The following PHYKPL variants were observed in gnomAD, a reference collection of about 807,000 sequenced individuals.
The protein encoded by PHYKPL is 5-phosphonooxy-L-lysine phospho-lyase.
A neutral mutation model predicts 51.3 loss-of-function variants in PHYKPL; 42 were observed. The observed-to-expected ratio is 0.82, with a 90% CI of 0.64 to 1.06. PHYKPL has a LOEUF of 1.06. PHYKPL is among the 50% of genes least tolerant of loss of function. The pLI is 0.00. For synonymous variants in PHYKPL, 264 were observed against 236.0 expected (o/e 1.12, Z -1.09); for missense variants, 655 against 586.6 (o/e 1.12, Z -1.20).
intron 12 of PHYKPL, chr5:178,210,451 T>G (rs1757881761): frequency 6.7e-6 from 10 of 1,489,354 alleles, no homozygotes; most frequent in Non-Finnish European, 9.3e-6. Flanking sequence ...AGGCAGTCTC[T>G]GCTGTCACGG....
At chr5:178,210,569 C>G in intron 12 of PHYKPL, 1 of 1,614,136 alleles carries the variant, frequency 6.2e-7, no homozygotes, top group Non-Finnish European at 8.5e-7. Flanking sequence ...GTAGTACAAA[C>G]TACGGCAAGA....
rs138724496 is a variant in PHYKPL, at chr5:178,209,487, C to T, written c.*32-572G>A. 538 of 1,546,952 alleles carry T rather than the reference C, an allele frequency of 3.5e-4. 2 individuals carry two copies. The African/African-American group carries it at 6.7e-3, about 19-fold the overall frequency. On this transcript the variant is annotated intron_variant, in intron 12 of 12. Coordinates refer to ENST00000308158, the MANE Select transcript of PHYKPL (RefSeq NM_153373.4). ...GATGAAGATAGGTCCTGTTTCCCTG[C>T]CTACATGGAGCCTTCCAAGCCTGTC... is the stretch of plus-strand genomic sequence containing the variant.
chr5:178,209,234 G>C, intron 12 of PHYKPL: 1 of 976,576 alleles, frequency 1.0e-6, no homozygotes, highest in Non-Finnish European at 1.6e-6. Flanking sequence ...AAATGGACCT[G>C]ATCCACCATT....
rs1219541313 is a variant in PHYKPL at position 178,215,162 on chromosome 5, G to C, written c.1082+114C>G. 8 of 1,521,732 alleles carry C rather than the reference G, an allele frequency of 5.3e-6. No individual in the cohort carries two copies. In the East Asian group the frequency reaches 1.8e-4, roughly 34 times the overall value. 94.3% of individuals were successfully genotyped at this position (1,521,732 alleles called of 1,614,324 possible). A position where few individuals can be genotyped will look rare whatever the true frequency, so the allele number is the denominator to read the frequency against. On this transcript the variant is annotated intron_variant, in intron 9 of 12. Transcript: ENST00000308158. ...GGCAATAGCACCTCTCAGTGTCTCA[G>C]TTCCTCTTGAGAGCGGACATAACCC... is the stretch of plus-strand genomic sequence containing the variant.
intron 6 of PHYKPL, chr5:178,223,770 T>C: frequency 3.2e-6 from 1 of 315,750 alleles, no homozygotes. Context: ...TCGCCAACAG[T>C]CTTCCCTCTG....
chr5:178,225,111 G>A (rs771033580), intron 4 of PHYKPL: 6 of 582,892 alleles, frequency 1.0e-5, no homozygotes, highest in Admixed American at 3.0e-5. Flanking sequence ...ACAATGTTGT[G>A]GGACCACCTT....
rs1029014059 is a variant in PHYKPL at position 178,232,499 on chromosome 5, G to A, written c.52C>T (p.Leu18Phe). The A allele has an allele frequency of 2.2e-5, 30 of 1,353,030 alleles. No homozygotes were observed. The Admixed American group carries it at 5.6e-4, about 25-fold the overall frequency. 83.8% of individuals were successfully genotyped at this position (1,353,030 alleles called of 1,614,324 possible). A position where few individuals can be genotyped will look rare whatever the true frequency, so the allele number is the denominator to read the frequency against. The change falls in exon 1 of 13, where the codon CTC becomes TTC. Residue 18 changes from leucine to phenylalanine, a missense_variant. By Grantham distance (22) the Leu-to-Phe change is conservative. Coordinates refer to ENST00000308158, the MANE Select transcript of PHYKPL (RefSeq NM_153373.4). ...CGCCCCCCGCCCGGGTACCTGATGA[G>A]CCGTTGCCTCAGGGCCAGCGTGTCG... ...KADTLALRQR[L>F]ISSSCRLFFP...
chr5:178,225,392 G>A lies in PHYKPL; in HGVS notation c.376C>T (p.His126Tyr), dbSNP rs1196549507. ...ACCACGTCCTGGTGTCCCGTGTAGT[G>A]GCGAGCCAGCCTCAGGGCCAGGTCA... ...ANDLALRLARHYTGHQDVVVL... is the reference protein window; with the variant it reads ...ANDLALRLARYYTGHQDVVVL... The change falls in exon 4 of 13, where the codon CAC becomes TAC. Residue 126 changes from histidine (H) to tyrosine (Y), a missense_variant. His to Tyr is a moderately conservative substitution (Grantham distance 83). Coordinates refer to ENST00000308158, the MANE Select transcript of PHYKPL (RefSeq NM_153373.4). 2 of 1,614,178 alleles carry A rather than the reference G, an allele frequency of 1.2e-6. No homozygotes were observed. Among genetic ancestry groups the A allele is most frequent in the African/African-American group, 1.3e-5 (1 of 75,050 alleles).
intron 8 of PHYKPL, among the ~76,000 whole-genome samples, chr5:178,218,235 A>AAAAG (rs1446968583): frequency 2.2e-5 from 3 of 135,584 alleles, no homozygotes; most frequent in East Asian, 1.9e-4. Flanking sequence ...AAAAAAAAAA[A>AAAAG]AAAGAAAGAA....
intron 3 of PHYKPL, chr5:178,226,788 G>A (rs1476607170): frequency 2.6e-5 from 4 of 152,194 alleles, no homozygotes; most frequent in Non-Finnish European, 5.9e-5. Flanking sequence ...GGAGGTTAGA[G>A]TGATTGTCTC....
rs1554103347 is a variant in PHYKPL at position 178,209,434 on chromosome 5, T to C, written c.*32-519A>G. On this transcript the variant is annotated intron_variant, in intron 12 of 12. Transcript: ENST00000308158. Reference sequence around the variant, plus strand: ...GAGGGAACCGAGGCAGCGGAGGTGGTGGTGGAGGTGGAGGTGAGTGGAACG... The same window carrying C: ...GAGGGAACCGAGGCAGCGGAGGTGGCGGTGGAGGTGGAGGTGAGTGGAACG... 3.1e-6 allele frequency: 5 copies of C among 1,613,516 alleles called. No individual in the cohort carries two copies. In the Admixed American group the frequency reaches 8.3e-5, roughly 27 times the overall value.
At chr5:178,228,389 C>G in intron 3 of PHYKPL, 1 of 622,582 alleles carries the variant, frequency 1.6e-6, no homozygotes, top group South Asian at 1.9e-5. Flanking sequence ...CAGAGTAAGA[C>G]AATGCAGCAA....
intron 3 of PHYKPL, among the ~76,000 whole-genome samples, chr5:178,227,451 G>A (rs2961685): frequency 0.12 from 17,924 of 152,248 alleles, 1,073 homozygotes; most frequent in Middle Eastern, 0.21. Flanking sequence ...CAGGGGAAGC[G>A]TCTATGGGGA....
Position 178,232,525 on chromosome 5 carries a change from G to A in PHYKPL, c.26C>T (p.Ala9Val). 2 of 1,326,364 alleles carry A rather than the reference G, an allele frequency of 1.5e-6. No homozygotes were observed. Among genetic ancestry groups the A allele is most frequent in the Non-Finnish European group, 9.6e-7 (1 of 1,045,592 alleles). The allele number at this position is 1,326,364 out of a possible 1,614,324, so 82.2% of individuals were successfully genotyped here. Residue 9 changes from alanine (A) to valine (V), a missense_variant, in exon 1 of 13, where the codon GCC (alanine) becomes GTC (valine). Ala to Val is a moderately conservative substitution (Grantham distance 64). Coordinates refer to ENST00000308158, the MANE Select transcript of PHYKPL (RefSeq NM_153373.4). MAADQRPK[A>V]DTLALRQRLI... is the part of the protein sequence containing the mutation. The stretch of plus-strand genomic sequence containing the variant: ...CCGTTGCCTCAGGGCCAGCGTGTCG[G>A]CCTTCGGGCGCTGGTCTGCGGCCAT...
In PHYKPL at chr5:178,215,298, G is replaced by GT; in HGVS notation, c.1059dup (p.His354ThrfsTer22). 6.2e-7 allele frequency: 1 copy of GT among 1,614,104 alleles called. No individual in the cohort carries two copies. Among genetic ancestry groups the GT allele is most frequent in the South Asian group, 1.1e-5 (1 of 91,080 alleles). ...CACCTGACATCCCCGACGATGGGAT[G>GT]TTTGATTTTTTGCTGCCCGAGGAGC... On this transcript the variant is annotated frameshift_variant, in exon 9 of 13. Transcript: ENST00000308158. LOFTEE classifies it high-confidence loss of function.
intron 11 of PHYKPL, among the ~76,000 whole-genome samples, chr5:178,212,632 C>T (rs1758808911): frequency 6.6e-6 from 1 of 152,232 alleles, no homozygotes; most frequent in Admixed American, 6.5e-5. Context: ...TCTCTACATC[C>T]TAGGCTGGCG....
rs1386030937 is a variant in PHYKPL at position 178,224,518 on chromosome 5, G to T, written c.548C>A (p.Pro183His). The T allele has an allele frequency of 1.2e-6, 2 of 1,613,982 alleles. No homozygotes were observed. The highest frequency in any genetic ancestry group is 1.7e-6 in the Non-Finnish European group (2 of 1,179,864). ...TYRGPYREDH[P>H]NPAMAYANEV... ...GTTGGCATAGGCCATAGCTGGGTTG[G>T]GGTGGTCCTCCCGGTAGGGGCCCCG... The change falls in exon 6 of 13, where the codon CCC (proline) becomes CAC (histidine). Residue 183 changes from proline to histidine, a missense_variant. Physicochemically the swap from Pro to His is moderately conservative, Grantham distance 77. Coordinates refer to ENST00000308158, the MANE Select transcript of PHYKPL (RefSeq NM_153373.4).
chr5:178,210,504 A>C, intron 12 of PHYKPL: 1 of 1,577,326 alleles, frequency 6.3e-7, no homozygotes, highest in Non-Finnish European at 8.7e-7. Flanking sequence ...CGCGTGGCAC[A>C]GGGCAAATGC....
In PHYKPL at chr5:178,232,282, C is replaced by G. The variant is rs941054909; in HGVS notation, c.59+210G>C. The G allele has an allele frequency of 9.6e-6, 12 of 1,246,118 alleles. No individual in the cohort carries two copies. In the Admixed American group the frequency reaches 2.8e-4, roughly 29 times the overall value. The allele number at this position is 1,246,118 out of a possible 1,614,324, so 77.2% of individuals were successfully genotyped here. On this transcript the variant is annotated intron_variant, in intron 1 of 12. Transcript: ENST00000308158. Reference sequence around the variant, plus strand: ...GAGACGGCGCTGTCGGGGAGGCGGCCCCGGAGACCACCCGCCGGGACTGCC... The same window carrying G: ...GAGACGGCGCTGTCGGGGAGGCGGCGCCGGAGACCACCCGCCGGGACTGCC...
Sources: allele counts gnomAD v4.1 joint callset (sites outside exome capture counted in the v4.1 genomes callset), GRCh38; gene constraint gnomAD v4.1.1; transcripts MANE v1.5; gene names NCBI Gene and HGNC (gene_info 2026-07-23, HGNC 2026-07-21).